Variants in SOS1 observed in about 807,000 individuals in gnomAD.
The protein encoded by SOS1 is son of sevenless homolog 1.
In SOS1, 25 loss-of-function variants were observed where a neutral mutation model predicts 157.6. The observed-to-expected ratio is 0.16, with a 90% CI of 0.12 to 0.22. The LOEUF is 0.22. Among genes scored for constraint, SOS1 ranks in the 10% least tolerant of loss-of-function variants. The probability of loss-of-function intolerance (pLI) is 1.00; values close to 1 mark genes in which losing one functional copy is unlikely to be tolerated. For missense variants in SOS1, 1,237 were observed against 1,599.1 expected (o/e 0.77, Z 3.86); for synonymous variants, 528 against 534.0 (o/e 0.99, Z 0.16).
At chr2:39,059,453 T>G (rs576102247) in intron 2 of SOS1, among the ~76,000 whole-genome samples, 2 of 152,292 alleles carry the variant, frequency 1.3e-5, no homozygotes, top group East Asian at 3.9e-4. Flanking sequence ...CTGAATTTCC[T>G]TCCTTATTAA....
At chr2:38,995,731 C>T (rs1668871482) in intron 19 of SOS1, among the ~76,000 whole-genome samples, 1 of 152,012 alleles carries the variant, frequency 6.6e-6, no homozygotes, top group Admixed American at 6.6e-5. Context: ...CAAATTTAAC[C>T]TTGTTGAAAA....
At chr2:39,076,558 T>C (rs564712380) in intron 1 of SOS1, among the ~76,000 whole-genome samples, 410 of 152,174 alleles carry the variant, frequency 2.7e-3, no homozygotes, top group Non-Finnish European at 4.1e-3. Context: ...AAAATGACAA[T>C]AGATGCAGAA....
rs1572830508 is a variant in SOS1, at chr2:39,022,972, C to T, written c.1456G>A (p.Ala486Thr). ...AACTTTTCTTTAAGACGATATTCTG[C>T]ATTGCTAGCACCAGGAAGTCTTGGC... ...GQPRLPGASNAEYRLKEKFFM... is the reference protein window; with the variant it reads ...GQPRLPGASNTEYRLKEKFFM... The change falls in exon 10 of 23, where the codon GCA becomes ACA. Residue 486 changes from alanine to threonine, a missense_variant. Physicochemically the swap from Ala to Thr is moderately conservative, Grantham distance 58 (BLOSUM62 0). This residue lies in a region of SOS1 where 210 missense variants were observed against 220.2 expected (regional missense o/e 0.95). Coordinates refer to ENST00000402219, the MANE Select transcript of SOS1 (RefSeq NM_005633.4). 1.2e-6 allele frequency: 2 copies of T among 1,613,784 alleles called. No individual in the cohort carries two copies. Among genetic ancestry groups the T allele is most frequent in the East Asian group, 4.5e-5 (2 of 44,868 alleles).
intron 1 of SOS1, among the ~76,000 whole-genome samples, chr2:39,113,685 T>G (rs1673528344): frequency 6.6e-6 from 1 of 152,152 alleles, no homozygotes; most frequent in South Asian, 2.1e-4. Flanking sequence ...AGAACACAGG[T>G]GAAGTGCTTA....
At chr2:39,052,336 G>A (rs965762941) in intron 5 of SOS1, among the ~76,000 whole-genome samples, 6 of 152,012 alleles carry the variant, frequency 3.9e-5, no homozygotes, top group African/African-American at 1.2e-4. Flanking sequence ...GTTTATATAC[G>A]AAACTCCTAT....
Position 39,106,598 on chromosome 2 carries a change from A to C in SOS1, c.87+13738T>G, listed in dbSNP as rs565623579. 5.0e-3 allele frequency among the ~76,000 whole-genome samples: 195 copies of C among 39,202 alleles called. 7 individuals carry two copies. Among genetic ancestry groups the C allele is most frequent in the African/African-American group, 9.5e-3 (176 of 18,480 alleles). 25.7% of individuals were successfully genotyped at this position (39,202 alleles called of 152,430 possible). ...AGAGCGAGACTCCGTCTCAAAAAAA[A>C]AAACAAAAAAAAAAACAAAACATCT... On this transcript the variant is annotated intron_variant, in intron 1 of 22. Coordinates refer to ENST00000402219, the MANE Select transcript of SOS1 (RefSeq NM_005633.4).
chr2:39,009,868 C>A (rs1420453179), intron 15 of SOS1, among the ~76,000 whole-genome samples: 3 of 151,938 alleles, frequency 2.0e-5, no homozygotes, highest in Admixed American at 1.3e-4. Flanking sequence ...AACCAGGCAA[C>A]CACTAAAAGG....
chr2:39,053,373 C>T (rs145990486), intron 5 of SOS1, among the ~76,000 whole-genome samples: 1 of 152,086 alleles, frequency 6.6e-6, no homozygotes, highest in Admixed American at 6.5e-5. Context: ...ATGTTGAACA[C>T]CTTTTGATGT....
At chr2:39,122,728 T>G (rs1386043435), upstream of SOS1, among the ~76,000 whole-genome samples, 1 of 152,172 alleles carries the variant, frequency 6.6e-6, no homozygotes, top group African/African-American at 2.4e-5. Flanking sequence ...GTATTTTTAT[T>G]AGAGATGGGG....
intron 6 of SOS1, among the ~76,000 whole-genome samples, chr2:39,046,464 TTTTA>T (rs1166637707): frequency 3.8e-4 from 58 of 151,916 alleles, no homozygotes; most frequent in African/African-American, 7.0e-4. Context: ...CTTTCTAATT[TTTTA>T]TTTATTTATT....
chr2:39,030,535 G>A (rs891739871), intron 8 of SOS1, among the ~76,000 whole-genome samples: 4 of 151,510 alleles, frequency 2.6e-5, no homozygotes, highest in African/African-American at 9.7e-5. Flanking sequence ...ATACCACTGC[G>A]CTCCAGCCTG....
intron 19 of SOS1, among the ~76,000 whole-genome samples, chr2:38,996,061 A>G (rs1226964117): frequency 2.0e-5 from 3 of 152,100 alleles, no homozygotes; most frequent in Non-Finnish European, 2.9e-5. Flanking sequence ...GTCACTTAGA[A>G]GCCATCTATG....
rs144186292 is a variant in SOS1, at chr2:39,015,630, C to G, written c.1859-784G>C. 5.7e-4 allele frequency among the ~76,000 whole-genome samples: 86 copies of G among 152,032 alleles called. 1 individual carries two copies. The highest frequency in any genetic ancestry group is 1.9e-3 in the African/African-American group (79 of 41,486). On this transcript the variant is annotated intron_variant, in intron 10 of 22. Transcript: ENST00000402219. The stretch of plus-strand genomic sequence containing the variant: ...CCCTAGGCCTGACCTACTCCCGTCT[C>G]TCCTTAACAGTATTATCCTAAGTTG...
chr2:39,084,502 T>TGAAGA (rs1255640542), intron 1 of SOS1, among the ~76,000 whole-genome samples: 5 of 152,056 alleles, frequency 3.3e-5, no homozygotes, highest in African/African-American at 7.2e-5. Context: ...GGCAGGGATG[T>TGAAGA]GAAGAGAAGA....
intron 3 of SOS1, among the ~76,000 whole-genome samples, chr2:39,057,453 G>C (rs1166044628): frequency 1.3e-5 from 2 of 151,966 alleles, no homozygotes; most frequent in Non-Finnish European, 2.9e-5. Flanking sequence ...AGAGAATATG[G>C]GCTTTTGTGG....
At chr2:39,023,958 A>C (rs1269133997) in intron 9 of SOS1, 52 bp downstream of exon 9, 2 of 1,349,636 alleles carry the variant, frequency 1.5e-6, no homozygotes, top group Non-Finnish European at 2.1e-6. Context: ...CCCTGAATTT[A>C]CACCACAATA....
chr2:38,998,440 G>A (rs1668975191), intron 17 of SOS1, among the ~76,000 whole-genome samples: 2 of 151,872 alleles, frequency 1.3e-5, no homozygotes, highest in African/African-American at 4.8e-5. Context: ...TAGTAGAGAC[G>A]GGGTTTCACC....
chr2:39,076,922 T>C lies in SOS1; in HGVS notation c.88-9169A>G, dbSNP rs1204324425. On this transcript the variant is annotated intron_variant, in intron 1 of 22. Transcript: ENST00000402219. ...TTAATAAGTGAGTTTAGTAAAATTG[T>C]TGAAATAATCTATAAAAGATAGTTG... Among the ~76,000 whole-genome samples the C allele has an allele frequency of 5.3e-5, 8 of 152,190 alleles. No homozygotes were observed. In the East Asian group the frequency reaches 1.2e-3, roughly 22 times the overall value.
intron 2 of SOS1, among the ~76,000 whole-genome samples, chr2:39,063,825 AT>A (rs372916497): frequency 8.9e-4 from 133 of 149,502 alleles, no homozygotes; most frequent in African/African-American, 3.2e-3. Context: ...TTCTTTAAAC[AT>A]TTTTTTTTTC....
Sources: allele counts gnomAD v4.1 joint callset (sites outside exome capture counted in the v4.1 genomes callset), GRCh38; gene constraint gnomAD v4.1.1; regional missense constraint gnomAD v4.1.1; transcripts MANE v1.5; gene names NCBI Gene and HGNC (gene_info 2026-07-23, HGNC 2026-07-21).